DBF4: variants seen among roughly 807,000 people sequenced by gnomAD.
DBF4 encodes the protein DBF4-CDC7 kinase regulatory subunit.
DBF4 carries 25 observed loss-of-function variants against 76.6 expected under a neutral mutation model. That is an observed-to-expected ratio of 0.33 (90% CI 0.24 to 0.46). DBF4 has a LOEUF of 0.46. Ranked by LOEUF, DBF4 falls within the 20% of genes least tolerant of loss-of-function variation. DBF4 has a pLI of 1.00. For missense variants in DBF4, 638 were observed against 760.8 expected, an observed-to-expected ratio of 0.84 and a Z score of 1.90; for synonymous variants, 213 against 258.0, an observed-to-expected ratio of 0.83 and a Z score of 1.67.
At chr7:87,888,223 G>GT in intron 6 of DBF4, 164 bp downstream of exon 6, 1 of 943,908 alleles carries the variant, frequency 1.1e-6, no homozygotes, top group Non-Finnish European at 1.3e-6. Context: ...CTTTAGGGTT[G>GT]TACTCACCAG....
At chr7:87,883,525 G>T (rs960383247) in intron 2 of DBF4, among the ~76,000 whole-genome samples, 5 of 152,166 alleles carry the variant, frequency 3.3e-5, no homozygotes, top group African/African-American at 1.2e-4. Context: ...AATGAAGGCA[G>T]TATTTGATGT....
intron 9 of DBF4, 151 bp downstream of exon 9, chr7:87,900,500 A>C (rs1839750283): frequency 2.0e-6 from 2 of 981,866 alleles, no homozygotes; most frequent in Admixed American, 3.3e-5. Flanking sequence ...GAATCTGTTT[A>C]GATGGAGGTG....
rs1360982830 is a variant in DBF4, at chr7:87,908,304, A to AT, written c.*145dup. The AT allele has an allele frequency of 2.2e-6, 2 of 906,620 alleles. No homozygotes were observed. Among genetic ancestry groups the AT allele is most frequent in the African/African-American group, 3.5e-5 (2 of 57,584 alleles). 56.2% of individuals were successfully genotyped at this position (906,620 alleles called of 1,614,324 possible). On this transcript the variant is annotated 3_prime_UTR_variant, in exon 12 of 12. Transcript: ENST00000265728. Reference sequence around the variant, plus strand: ...TAAATATTAAAAATAAATATTTGCAATTTTCTACAGAATTGAATACCTGTT... The same window carrying AT: ...TAAATATTAAAAATAAATATTTGCAATTTTTCTACAGAATTGAATACCTGTT...
At chr7:87,902,172 G>C (rs554048203) in intron 10 of DBF4, among the ~76,000 whole-genome samples, 1 of 152,258 alleles carries the variant, frequency 6.6e-6, no homozygotes, top group South Asian at 2.1e-4. Context: ...AAATGTCGAG[G>C]CTAAAAAATG....
chr7:87,896,449 C>T (rs896831697), intron 6 of DBF4, 25 bp from the exon 7 acceptor site: 1 of 1,603,770 alleles, frequency 6.2e-7, no homozygotes, highest in Non-Finnish European at 8.5e-7. Context: ...CAAAGCCAAT[C>T]TTTTCACTAT....
At chr7:87,894,106 A>C (rs1399586228) in intron 6 of DBF4, among the ~76,000 whole-genome samples, 1 of 152,216 alleles carries the variant, frequency 6.6e-6, no homozygotes, top group Non-Finnish European at 1.5e-5. Context: ...AATGTTTAGT[A>C]CATCTTCTTA....
intron 11 of DBF4, among the ~76,000 whole-genome samples, chr7:87,904,684 A>G (rs1416981983): frequency 6.6e-6 from 1 of 152,150 alleles, no homozygotes; most frequent in Non-Finnish European, 1.5e-5. Flanking sequence ...CAGAGGTTGC[A>G]GTGAGCCAAG....
intron 4 of DBF4, 43 bp downstream of exon 4, chr7:87,886,937 T>G: frequency 7.7e-7 from 1 of 1,304,224 alleles, no homozygotes; most frequent in Non-Finnish European, 1.1e-6. Flanking sequence ...ATTTTGTTAT[T>G]AAAAACTCAA....
chr7:87,898,663 C>T (rs1405968995), intron 8 of DBF4, among the ~76,000 whole-genome samples: 2 of 151,768 alleles, frequency 1.3e-5, no homozygotes, highest in Non-Finnish European at 2.9e-5. Flanking sequence ...TGGTGGCGGG[C>T]ACCTGTAGTC....
At chr7:87,889,429 G>A (rs1344248206) in intron 6 of DBF4, among the ~76,000 whole-genome samples, 1 of 151,926 alleles carries the variant, frequency 6.6e-6, no homozygotes, top group African/African-American at 2.4e-5. Context: ...ACAGGCATGA[G>A]CCACCGTACC....
intron 6 of DBF4, chr7:87,896,182 C>T: frequency 3.7e-6 from 1 of 272,694 alleles, no homozygotes; most frequent in Non-Finnish European, 6.9e-6. Context: ...AAAGATTTTG[C>T]TGAATAAGGG....
In DBF4 at chr7:87,888,402, T is replaced by C. The variant is rs576615059; in HGVS notation, c.597+343T>C. The C allele has an allele frequency of 1.1e-5, 9 of 810,030 alleles. No individual in the cohort carries two copies. The East Asian group carries it at 7.6e-4, about 68-fold the overall frequency. The allele number at this position is 810,030 out of a possible 1,614,324, so 50.2% of individuals were successfully genotyped here. ...TGTACTTCTTTTTGGAATATAAATA[T>C]GTACTATCCTTTTCAACTGCTCTAA... On this transcript the variant is annotated intron_variant, in intron 6 of 11. Transcript: ENST00000265728.
At chr7:87,882,673 T>G (rs1340646048) in intron 2 of DBF4, among the ~76,000 whole-genome samples, 7 of 152,120 alleles carry the variant, frequency 4.6e-5, no homozygotes, top group Admixed American at 4.6e-4. Context: ...GAAAAGACAT[T>G]TACTCAGAAA....
intron 6 of DBF4, among the ~76,000 whole-genome samples, chr7:87,895,392 T>C (rs541940906): frequency 1.3e-5 from 2 of 152,220 alleles, no homozygotes; most frequent in African/African-American, 4.8e-5. Context: ...TTTCTGGTTG[T>C]TTACATGTGA....
intron 6 of DBF4, among the ~76,000 whole-genome samples, chr7:87,893,490 C>T (rs1311848964): frequency 6.6e-6 from 1 of 151,922 alleles, no homozygotes; most frequent in East Asian, 1.9e-4. Flanking sequence ...CATGATCCAC[C>T]CGCCTCGGCC....
intron 2 of DBF4, among the ~76,000 whole-genome samples, chr7:87,883,300 G>A (rs1839261236): frequency 6.6e-6 from 1 of 152,024 alleles, no homozygotes; most frequent in African/African-American, 2.4e-5. Flanking sequence ...CTGTTTAATG[G>A]GTACAGACTT....
chr7:87,891,638 T>A (rs1455526909), intron 6 of DBF4, among the ~76,000 whole-genome samples: 1 of 152,166 alleles, frequency 6.6e-6, no homozygotes, highest in African/African-American at 2.4e-5. Context: ...CCTCTTCCAT[T>A]CCTGATAATG....
intron 7 of DBF4, among the ~76,000 whole-genome samples, 177 bp downstream of exon 7, chr7:87,896,687 G>GT (rs943000720): frequency 1.2e-3 from 179 of 152,156 alleles, no homozygotes; most frequent in African/African-American, 4.0e-3. Context: ...TCAGAATGAT[G>GT]TTTTTTTTAA....
In DBF4 at chr7:87,876,661, G is replaced by T. The variant is rs917846622; in HGVS notation, c.-72G>T. On this transcript the variant is annotated 5_prime_UTR_variant, in exon 1 of 12. Transcript: ENST00000265728. ...CGGCCGTCCTGTCAACAGGCCGGGG[G>T]AAGCCGTGCTTTCGCGGCTGCCCGG... is the stretch of plus-strand genomic sequence containing the variant. 26 of 1,563,960 alleles carry T rather than the reference G, an allele frequency of 1.7e-5. No homozygotes were observed. Among genetic ancestry groups the T allele is most frequent in the Non-Finnish European group, 2.3e-5 (26 of 1,142,842 alleles).
Sources: allele counts gnomAD v4.1 joint callset (sites outside exome capture counted in the v4.1 genomes callset), GRCh38; gene constraint gnomAD v4.1.1; transcripts MANE v1.5; gene names NCBI Gene and HGNC (gene_info 2026-07-23, HGNC 2026-07-21).